ALG12: variants seen among roughly 807,000 people sequenced by gnomAD.
ALG12 encodes ALG12 alpha-1,6-mannosyltransferase, also known as dol-P-Man:Man(7)GlcNAc(2)-PP-Dol alpha-1,6-mannosyltransferase.
ALG12 carries 36 observed loss-of-function variants against 46.0 expected under a neutral mutation model. The ratio of observed to expected loss-of-function variants is 0.78; its 90% CI spans 0.60 to 1.03. The LOEUF (loss-of-function observed/expected upper bound fraction) is 1.03. ALG12 is among the 50% of genes least tolerant of loss of function. The pLI is 0.00. For missense variants in ALG12, 599 were observed against 633.5 expected (o/e 0.95, Z 0.58); for synonymous variants, 326 against 291.6 (o/e 1.12, Z -1.20).
chr22:49,909,365 A>G lies in ALG12; in HGVS notation c.665-18T>C. The G allele has an allele frequency of 6.2e-7, 1 of 1,613,200 alleles. No homozygotes were observed. Among genetic ancestry groups the G allele is most frequent in the Non-Finnish European group, 8.5e-7 (1 of 1,179,234 alleles). On this transcript the variant is annotated intron_variant, in intron 5 of 9. Transcript: ENST00000330817. ...CGTCAGTCCTGACAAAATAAAATAG[A>G]GTTTCTTAGTCGCAAACACAGCCAT...
At chr22:49,915,329 T>C (rs560204605) in intron 1 of ALG12, among the ~76,000 whole-genome samples, 7 of 151,934 alleles carry the variant, frequency 4.6e-5, no homozygotes, top group Non-Finnish European at 8.8e-5. Context: ...GAGGCTGAGG[T>C]GGGTGGATCA....
At chr22:49,886,988 C>T in the ALG12 span, 16 of 1,613,956 alleles carry the variant, frequency 9.9e-6, no homozygotes, top group African/African-American at 6.7e-5. This position sits in a 1 kb window ranked among gnomAD's most constrained non-coding sequence, Gnocchi z 7.7. Context: ...CTGAAGAAGG[C>T]GTCCTGGCCG....
the ALG12 span, among the ~76,000 whole-genome samples, chr22:49,874,679 T>TTTTTTTC: frequency 9.2e-6 from 1 of 108,942 alleles, no homozygotes; most frequent in Non-Finnish European, 2.0e-5. Flanking sequence ...AGCCTTTTTT[T>TTTTTTTC]TTTTTTTTTT....
chr22:49,896,757 TC>T (rs1468074240), downstream of ALG12, among the ~76,000 whole-genome samples: 1 of 152,166 alleles, frequency 6.6e-6, no homozygotes, highest in African/African-American at 2.4e-5. Context: ...TGCTTCAGCC[TC>T]CCCAGTAGCT....
chr22:49,909,107 G>A, intron 6 of ALG12, 137 bp downstream of exon 6: 1 of 915,474 alleles, frequency 1.1e-6, no homozygotes, highest in South Asian at 1.4e-5. Flanking sequence ...GAGCAAGTGG[G>A]AGGGAGGGGC....
the ALG12 span, among the ~76,000 whole-genome samples, chr22:49,870,584 C>T: frequency 7.9e-5 from 12 of 151,974 alleles, no homozygotes; most frequent in East Asian, 1.9e-4. Flanking sequence ...CTGTTGATGT[C>T]GAGCATTTTT....
At position 49,907,905 on chromosome 22, in the gene ALG12, G is replaced by T. The variant is rs748563631; in HGVS notation, c.808C>A (p.Arg270Ser). 1 of 1,613,440 alleles carries T rather than the reference G, an allele frequency of 6.2e-7. No individual in the cohort carries two copies. The highest frequency in any genetic ancestry group is 8.5e-7 in the Non-Finnish European group (1 of 1,179,964). The change falls in exon 7 of 10, where the codon CGC becomes AGC. Residue 270 changes from arginine (R) to serine (S), a missense_variant. By Grantham distance (110) the Arg-to-Ser change is moderately radical. Coordinates refer to ENST00000330817, the MANE Select transcript of ALG12 (RefSeq NM_024105.4). ...LLWYFYSALP[R>S]GLGCSLLFIP... is the part of the protein sequence containing the mutation. ...AAGAGCAGGCTGCAGCCCAGGCCGC[G>T]GGGCAGGGCTGAGTAGAAGTACCAC...
chr22:49,884,377 A>G, the ALG12 span: 4 of 1,613,078 alleles, frequency 2.5e-6, no homozygotes, highest in East Asian at 2.2e-5. Context: ...CTCCTCTGAC[A>G]TGTCCGTTTC....
At chr22:49,898,496 T>C (rs2060492450), downstream of ALG12, among the ~76,000 whole-genome samples, 1 of 151,092 alleles carries the variant, frequency 6.6e-6, no homozygotes, top group African/African-American at 2.4e-5. Flanking sequence ...TTCAAGTGAC[T>C]CTCCTGCCTC....
chr22:49,908,998 C>G (rs1370559457), intron 6 of ALG12, among the ~76,000 whole-genome samples: 1 of 150,474 alleles, frequency 6.6e-6, no homozygotes, highest in Non-Finnish European at 1.5e-5. Flanking sequence ...AGAGGAGAGG[C>G]TGGGGTAATC....
intron 6 of ALG12, 60 bp from the exon 7 acceptor site, chr22:49,908,004 G>T: frequency 6.4e-7 from 1 of 1,555,314 alleles, no homozygotes. Context: ...GGGCTAGGTG[G>T]CAGGGTCAAG....
Position 49,900,466 on chromosome 22 carries a change from C to A in ALG12, c.*3372G>T. The A allele has an allele frequency of 6.6e-6, 1 of 152,346 alleles. No homozygotes were observed. Among genetic ancestry groups the A allele is most frequent in the Non-Finnish European group, 1.5e-5 (1 of 68,108 alleles). 9.4% of individuals were successfully genotyped at this position (152,346 alleles called of 1,614,324 possible). A position where few individuals can be genotyped will look rare whatever the true frequency, so the allele number is the denominator to read the frequency against. ...AAGCAAACGGGAAGGATGAACCCAG[C>A]TGTATTTCCAACGAAGGCACCACTA... is the stretch of plus-strand genomic sequence containing the variant. On this transcript the variant is annotated 3_prime_UTR_variant, in exon 10 of 10. Transcript: ENST00000330817.
At chr22:49,885,975 C>G in the ALG12 span, 1 of 706,900 alleles carries the variant, frequency 1.4e-6, no homozygotes, top group Admixed American at 2.2e-5. Context: ...CGCTGTTGGA[C>G]GTGTCGCAGG....
the ALG12 span, among the ~76,000 whole-genome samples, chr22:49,874,064 T>C: frequency 2.0e-5 from 3 of 152,372 alleles, no homozygotes; most frequent in South Asian, 6.2e-4. Flanking sequence ...GTAGAGGCCT[T>C]ACAACCTTTA....
chr22:49,864,311 A>C, the ALG12 span, among the ~76,000 whole-genome samples: 1 of 152,216 alleles, frequency 6.6e-6, no homozygotes, highest in Non-Finnish European at 1.5e-5. Flanking sequence ...TCTTGCTACA[A>C]ACATCACAAT....
At chr22:49,892,015 C>T in the ALG12 span, among the ~76,000 whole-genome samples, 11 of 151,718 alleles carry the variant, frequency 7.3e-5, no homozygotes, top group African/African-American at 2.7e-4. Flanking sequence ...AGTGAAACCC[C>T]GTCTCTACTA....
Position 49,904,345 on chromosome 22 carries a change from G to A in ALG12, c.1154C>T (p.Pro385Leu), listed in dbSNP as rs781249081. The A allele has an allele frequency of 6.2e-7, 1 of 1,614,200 alleles. No homozygotes were observed. The highest frequency in any genetic ancestry group is 8.5e-7 in the Non-Finnish European group (1 of 1,180,040). ...GTGCCCCCAGCACCCACCTGTCTGG[G>A]GGGGCACCAGCTGGTGCAGCCTCTG... ...AMQRLHQLVP[P>L]QTDVLLHIDV... Residue 385 changes from proline (P) to leucine (L), a missense_variant, in exon 8 of 10, where the codon CCC (proline) becomes CTC (leucine). By Grantham distance (98) the Pro-to-Leu change is moderately conservative. Transcript: ENST00000330817.
the ALG12 span, among the ~76,000 whole-genome samples, chr22:49,892,313 T>G: frequency 6.6e-6 from 1 of 152,180 alleles, no homozygotes; most frequent in African/African-American, 2.4e-5. Context: ...TCACAACATT[T>G]TTTCCTGTTG....
the ALG12 span, among the ~76,000 whole-genome samples, chr22:49,874,093 C>T: frequency 6.6e-6 from 1 of 152,182 alleles, no homozygotes. Flanking sequence ...ATGGCCCTGT[C>T]GTCTGCCCAT....
Sources: allele counts gnomAD v4.1 joint callset (sites outside exome capture counted in the v4.1 genomes callset), GRCh38; gene constraint gnomAD v4.1.1; non-coding constraint Gnocchi (gnomAD v3.1); transcripts MANE v1.5; gene names NCBI Gene and HGNC (gene_info 2026-07-23, HGNC 2026-07-21).